Variants in FLRT2 observed in about 807,000 individuals in gnomAD.
The protein encoded by FLRT2 is fibronectin leucine rich transmembrane protein 2.
Under a neutral mutation model 40.0 loss-of-function variants are expected in FLRT2, and 15 were observed. The ratio of observed to expected loss-of-function variants is 0.38; its 90% CI spans 0.25 to 0.58. The LOEUF is 0.58. Ranked by LOEUF, FLRT2 falls within the 20% of genes least tolerant of loss-of-function variation. The pLI is 0.71. For missense variants in FLRT2, 726 were observed against 840.0 expected (o/e 0.86, Z 1.68); for synonymous variants, 380 against 336.8 (o/e 1.13, Z -1.41).
rs1215116069 is a variant in FLRT2 at position 85,645,359 on chromosome 14, C to G, written c.*21862C>G. On this transcript the variant is annotated 3_prime_UTR_variant, in exon 2 of 2. Transcript: ENST00000330753. ...ATATATATATGATTGGCTGAGTGCT[C>G]TATTTGTTGCTTGAGCAGGTGTTCA... 6.6e-6 allele frequency: 1 copy of G among 151,884 alleles called. No individual in the cohort carries two copies. Among genetic ancestry groups the G allele is most frequent in the Non-Finnish European group, 1.5e-5 (1 of 67,994 alleles). 9.4% of individuals were successfully genotyped at this position (151,884 alleles called of 1,614,324 possible).
At chr14:85,576,664 G>A (rs1419382460) in intron 1 of FLRT2, among the ~76,000 whole-genome samples, 1 of 152,148 alleles carries the variant, frequency 6.6e-6, no homozygotes, top group African/African-American at 2.4e-5. Context: ...ACCTTTTAGG[G>A]GTAAGTTAAC....
intron 1 of FLRT2, among the ~76,000 whole-genome samples, chr14:85,567,024 T>C (rs1020667286): frequency 6.6e-6 from 1 of 152,162 alleles, no homozygotes; most frequent in African/African-American, 2.4e-5. Context: ...TCATTGAAAG[T>C]TGGGGGAAGG....
At chr14:85,539,316 A>T (rs1888846829) in intron 1 of FLRT2, among the ~76,000 whole-genome samples, 1 of 152,094 alleles carries the variant, frequency 6.6e-6, no homozygotes, top group Admixed American at 6.6e-5. Flanking sequence ...GATAGAATTG[A>T]GAAGTTCCAT....
intron 1 of FLRT2, among the ~76,000 whole-genome samples, chr14:85,582,540 TG>T (rs149587081): frequency 0.013 from 2,054 of 152,242 alleles, 45 homozygotes; most frequent in African/African-American, 0.046. Flanking sequence ...TTATCCTCTC[TG>T]GGATCAGTTT....
chr14:85,611,573 G>A (rs1892862552), intron 1 of FLRT2, among the ~76,000 whole-genome samples: 1 of 152,140 alleles, frequency 6.6e-6, no homozygotes, highest in South Asian at 2.1e-4. Flanking sequence ...GTCTCAGACA[G>A]CTGACCTGTC....
chr14:85,581,094 A>C (rs1891365630), intron 1 of FLRT2, among the ~76,000 whole-genome samples: 1 of 152,196 alleles, frequency 6.6e-6, no homozygotes. Context: ...ACATAAACTC[A>C]ACTCTGAAAC....
In FLRT2 at chr14:85,634,694, A is replaced by G. The variant is rs1322091144; in HGVS notation, c.*11197A>G. ...AATTTTCTCATCTGTACATGGGTTA[A>G]TAACAACACTCACCTCAACAGTAAC... On this transcript the variant is annotated 3_prime_UTR_variant, in exon 2 of 2. Transcript: ENST00000330753. 1 of 152,208 alleles carries G rather than the reference A, an allele frequency of 6.6e-6. No homozygotes were observed. Among genetic ancestry groups the G allele is most frequent in the Non-Finnish European group, 1.5e-5 (1 of 68,036 alleles). 9.4% of individuals were successfully genotyped at this position (152,208 alleles called of 1,614,324 possible).
At chr14:85,593,252 G>A (rs1179193565) in intron 1 of FLRT2, among the ~76,000 whole-genome samples, 5 of 152,082 alleles carry the variant, frequency 3.3e-5, no homozygotes, top group Non-Finnish European at 5.9e-5. Flanking sequence ...GCTTTCAAAT[G>A]GTTAATTTTA....
chr14:85,582,543 G>A (rs1891435943), intron 1 of FLRT2, among the ~76,000 whole-genome samples: 1 of 152,006 alleles, frequency 6.6e-6, no homozygotes, highest in South Asian at 2.1e-4. Flanking sequence ...TCCTCTCTGG[G>A]ATCAGTTTCT....
At chr14:85,591,364 T>A (rs1162356735) in intron 1 of FLRT2, among the ~76,000 whole-genome samples, 1 of 152,176 alleles carries the variant, frequency 6.6e-6, no homozygotes, top group Non-Finnish European at 1.5e-5. Flanking sequence ...ACAAAACCAC[T>A]GTAGAAAAAC....
chr14:85,607,459 C>T (rs955362347), intron 1 of FLRT2, among the ~76,000 whole-genome samples: 2 of 152,166 alleles, frequency 1.3e-5, no homozygotes, highest in Non-Finnish European at 2.9e-5. Flanking sequence ...GATTCAAAGT[C>T]ATTATTCATT....
At position 85,647,922 on chromosome 14, in the gene FLRT2, T is replaced by C. The variant is rs938251629; in HGVS notation, c.*24425T>C. The C allele has an allele frequency of 7.2e-5, 11 of 152,186 alleles. No homozygotes were observed. Among genetic ancestry groups the C allele is most frequent in the African/African-American group, 1.2e-4 (5 of 41,438 alleles). 9.4% of individuals were successfully genotyped at this position (152,186 alleles called of 1,614,324 possible). A position where few individuals can be genotyped will look rare whatever the true frequency, so the allele number is the denominator to read the frequency against. Reference sequence around the variant, plus strand: ...AGTGTCATAAACAACTGTGATCTTATGGCCAGTTGCAGAGTAAGAAATTAA... The same window carrying C: ...AGTGTCATAAACAACTGTGATCTTACGGCCAGTTGCAGAGTAAGAAATTAA... On this transcript the variant is annotated 3_prime_UTR_variant, in exon 2 of 2. Transcript: ENST00000330753.
chr14:85,622,704 C>A lies in FLRT2; in HGVS notation c.1190C>A (p.Pro397His). 1 of 1,614,094 alleles carries A rather than the reference C, an allele frequency of 6.2e-7. No homozygotes were observed. Among genetic ancestry groups the A allele is most frequent in the Non-Finnish European group, 8.5e-7 (1 of 1,180,014 alleles). The change falls in exon 2 of 2, where the codon CCT (proline) becomes CAT (histidine). Residue 397 changes from proline (P) to histidine (H), a missense_variant. Transcript: ENST00000330753. ...SIPNPSRSYT[P>H]PTPTTSKLPT... ...CCAAACCCTAGCAGAAGCTACACGC[C>A]TCCAACTCCTACCACATCGAAACTT... is the stretch of plus-strand genomic sequence containing the variant.
At position 85,653,890 on chromosome 14, in the gene FLRT2, T is replaced by A. The variant is rs929205327; in HGVS notation, c.*30393T>A. On this transcript the variant is annotated 3_prime_UTR_variant, in exon 2 of 2. Transcript: ENST00000330753. ...GAAGAAAACATAGCAAAATTATACC[T>A]ATTTTTTTAAATTGAAGTACAAAGA... 1 of 152,202 alleles carries A rather than the reference T, an allele frequency of 6.6e-6. No homozygotes were observed. The highest frequency in any genetic ancestry group is 2.4e-5 in the African/African-American group (1 of 41,460). The allele number at this position is 152,202 out of a possible 1,614,324, so 9.4% of individuals were successfully genotyped here.
intron 1 of FLRT2, among the ~76,000 whole-genome samples, chr14:85,606,415 G>A (rs931266494): frequency 6.6e-6 from 1 of 152,044 alleles, no homozygotes; most frequent in Non-Finnish European, 1.5e-5. Context: ...TCCCTAAAAT[G>A]GCAATGTAAT....
rs1162482613 is a variant in FLRT2, at chr14:85,645,262, G to A, written c.*21765G>A. 6.7e-6 allele frequency: 1 copy of A among 150,118 alleles called. No individual in the cohort carries two copies. The highest frequency in any genetic ancestry group is 1.5e-5 in the Non-Finnish European group (1 of 67,844). 9.3% of individuals were successfully genotyped at this position (150,118 alleles called of 1,614,324 possible). On this transcript the variant is annotated 3_prime_UTR_variant, in exon 2 of 2. Coordinates refer to ENST00000330753, the MANE Select transcript of FLRT2 (RefSeq NM_013231.6). ...CATATATGTATACATGTGTATATAT[G>A]TATACATGTGTATATATGTATATAC...
chr14:85,536,321 C>T (rs182250726), intron 1 of FLRT2, among the ~76,000 whole-genome samples: 29 of 152,196 alleles, frequency 1.9e-4, no homozygotes, highest in African/African-American at 5.8e-4. Context: ...AACATCTGAT[C>T]TAGTTTGACT....
rs1555369075 is a variant in FLRT2 at position 85,592,800 on chromosome 14, A to AAAG, written c.-376-28337_-376-28336insGAA. On this transcript the variant is annotated intron_variant, in intron 1 of 1. Transcript: ENST00000330753. ...GCGAAACTCCGTCTCAAAAAAAAAA[A>AAAG]AAAAAAAGAAAAAAAAGAAAACCTG... is the stretch of plus-strand genomic sequence containing the variant. Among the ~76,000 whole-genome samples, 45 of 121,672 alleles carry AAAG rather than the reference A, an allele frequency of 3.7e-4. 1 individual carries two copies. Among genetic ancestry groups the AAAG allele is most frequent in the East Asian group, 3.5e-3 (16 of 4,560 alleles). 79.8% of individuals were successfully genotyped at this position (121,672 alleles called of 152,430 possible). A position where few individuals can be genotyped will look rare whatever the true frequency, so the allele number is the denominator to read the frequency against.
chr14:85,545,704 A>T (rs1638943747), intron 1 of FLRT2, among the ~76,000 whole-genome samples: 1 of 152,234 alleles, frequency 6.6e-6, no homozygotes, highest in South Asian at 2.1e-4. Context: ...ACAAAGCATG[A>T]CAACTTCTAG....
Sources: gnomAD v4.1 joint callset for allele counts (sites outside exome capture counted in the v4.1 genomes callset) on GRCh38, gnomAD v4.1.1 for gene constraint, MANE v1.5 for transcripts, NCBI Gene and HGNC (gene_info 2026-07-23, HGNC 2026-07-21) for gene names.